Variants in PKHD1L1 observed in about 807,000 individuals in gnomAD.
PKHD1L1 encodes PKHD1 like 1.
A neutral mutation model predicts 462.9 loss-of-function variants in PKHD1L1; 434 were observed. The observed-to-expected ratio is 0.94, with a 90% CI of 0.87 to 1.02. The LOEUF is 1.02. PKHD1L1 is among the 50% of genes least tolerant of loss of function. The pLI is 0.00. For synonymous variants in PKHD1L1, 1,781 were observed against 1,750.0 expected (o/e 1.02, Z -0.44); for missense variants, 5,202 against 5,096.1 (o/e 1.02, Z -0.63).
intron 24 of PKHD1L1, among the ~76,000 whole-genome samples, chr8:109,426,687 G>A (rs994901357): frequency 1.2e-4 from 18 of 151,904 alleles, no homozygotes; most frequent in African/African-American, 3.6e-4. Flanking sequence ...ACGGAGTCTC[G>A]CTGTCACCAA....
intron 29 of PKHD1L1, 82 bp from the exon 30 acceptor site, chr8:109,436,256 A>G: frequency 7.0e-7 from 1 of 1,426,198 alleles, no homozygotes; most frequent in Non-Finnish European, 9.5e-7. Flanking sequence ...TCAAAAGACA[A>G]TTCTCAAAAA....
intron 32 of PKHD1L1, among the ~76,000 whole-genome samples, chr8:109,440,298 T>C (rs1471510904): frequency 1.3e-5 from 2 of 152,156 alleles, no homozygotes; most frequent in Non-Finnish European, 2.9e-5. Context: ...AAATTAATTA[T>C]ACAAAACTTT....
chr8:109,409,771 C>A (rs1251224316), intron 18 of PKHD1L1, 94 bp from the exon 19 acceptor site: 26 of 539,360 alleles, frequency 4.8e-5, no homozygotes, highest in Middle Eastern at 3.5e-4. Flanking sequence ...ATGAAAATGT[C>A]CTATTAAAAC....
In PKHD1L1 at chr8:109,522,798, GT is replaced by G; in HGVS notation, c.12239del (p.Val4080GlyfsTer5). The G allele has an allele frequency of 6.2e-7, 1 of 1,612,214 alleles. No individual in the cohort carries two copies. The highest frequency in any genetic ancestry group is 8.5e-7 in the Non-Finnish European group (1 of 1,179,418). ...ATTTCCTGTTCATCACGTGGCCTTCGTGTCCTCACTCTTAGTGATCACTCAG... is the reference window on the plus strand; with the variant it reads ...ATTTCCTGTTCATCACGTGGCCTTCGGTCCTCACTCTTAGTGATCACTCAG... ...SAFPVHHVAF[V>X]SSLLVITQPV... On this transcript the variant is annotated frameshift_variant, in exon 75 of 78. Transcript: ENST00000378402. LOFTEE classifies it high-confidence loss of function.
Position 109,406,458 on chromosome 8 carries a change from T to C in PKHD1L1, c.1793T>C (p.Val598Ala). Residue 598 changes from valine (V) to alanine (A), a missense_variant, in exon 17 of 78, where the codon GTA (valine) becomes GCA (alanine). Transcript: ENST00000378402. ...AATCCCCAGAGCTATGTCTACATGGTAACATTCATATCAACTAGAGGTAAG... is the reference window on the plus strand; with the variant it reads ...AATCCCCAGAGCTATGTCTACATGGCAACATTCATATCAACTAGAGGTAAG... The part of the protein sequence containing the change: ...TQNPQSYVYM[V>A]TFISTRGDFD... The C allele has an allele frequency of 6.2e-7, 1 of 1,602,388 alleles. No homozygotes were observed. Among genetic ancestry groups the C allele is most frequent in the Non-Finnish European group, 8.5e-7 (1 of 1,174,116 alleles).
At position 109,412,377 on chromosome 8, in the gene PKHD1L1, G is replaced by A. The variant is rs761842676; in HGVS notation, c.2198G>A (p.Arg733Gln). 5.6e-6 allele frequency: 9 copies of A among 1,613,074 alleles called. No individual in the cohort carries two copies. The highest frequency in any genetic ancestry group is 3.3e-5 in the Admixed American group (2 of 59,924). The change falls in exon 20 of 78, where the codon CGA (arginine) becomes CAA (glutamine). Residue 733 changes from arginine (R) to glutamine (Q), a missense_variant. Around this residue, in one of 3 missense-constraint regions of PKHD1L1, gnomAD observed 4,497 missense variants for 4,336.8 expected, o/e 1.04. Transcript: ENST00000378402. Reference sequence around the variant, plus strand: ...TCAGCAGATGTTAAACCAAACAGACGACCATATGGAGATATTTTATTGTTT... The same window carrying A: ...TCAGCAGATGTTAAACCAAACAGACAACCATATGGAGATATTTTATTGTTT... The part of the protein sequence containing the change: ...FDSADVKPNR[R>Q]PYGDILLFPY...
At chr8:109,379,693 T>C (rs771817408) in intron 2 of PKHD1L1, among the ~76,000 whole-genome samples, 2 of 152,204 alleles carry the variant, frequency 1.3e-5, no homozygotes, top group Non-Finnish European at 2.9e-5. Flanking sequence ...CTTTGCAACC[T>C]TACATTCTGC....
chr8:109,421,435 C>T (rs1814458785), intron 23 of PKHD1L1, among the ~76,000 whole-genome samples: 1 of 152,088 alleles, frequency 6.6e-6, no homozygotes, highest in African/African-American at 2.4e-5. Context: ...TAATATCTTC[C>T]AGATTAGCAT....
At chr8:109,470,950 G>A in intron 50 of PKHD1L1, 2 of 1,609,794 alleles carry the variant, frequency 1.2e-6, no homozygotes, top group Admixed American at 1.7e-5. Context: ...ACAACAGTGG[G>A]GAGTTCCTCT....
chr8:109,421,399 C>A (rs1159452776), intron 23 of PKHD1L1, among the ~76,000 whole-genome samples: 1 of 152,078 alleles, frequency 6.6e-6, no homozygotes, highest in African/African-American at 2.4e-5. Flanking sequence ...TTGCCTTTAT[C>A]CCATCCTGGC....
At chr8:109,449,025 A>G (rs1211821136) in intron 39 of PKHD1L1, among the ~76,000 whole-genome samples, 1 of 152,164 alleles carries the variant, frequency 6.6e-6, no homozygotes, top group African/African-American at 2.4e-5. Context: ...TCTACTTAAA[A>G]TAGTAATTGC....
In PKHD1L1 at chr8:109,445,505, A is replaced by T. The variant is rs1816084400; in HGVS notation, c.5636A>T (p.Glu1879Val). 1.2e-6 allele frequency: 2 copies of T among 1,613,774 alleles called. No individual in the cohort carries two copies. Among genetic ancestry groups the T allele is most frequent in the Non-Finnish European group, 1.7e-6 (2 of 1,179,814 alleles). Residue 1879 changes from glutamate (E) to valine (V), a missense_variant, in exon 38 of 78, where the codon GAA becomes GTA. Physicochemically the swap from Glu to Val is moderately radical, Grantham distance 121. This residue lies in a region of PKHD1L1 where 4,497 missense variants were observed against 4,336.8 expected (regional missense o/e 1.04). Coordinates refer to ENST00000378402, the MANE Select transcript of PKHD1L1 (RefSeq NM_177531.6). ...PCQIISINPN[E>V]VYCRTPAGTT... Reference sequence around the variant, plus strand: ...CAAATTATTTCCATCAACCCCAATGAAGTCTACTGCCGCACTCCCGCTGGG... The same window carrying T: ...CAAATTATTTCCATCAACCCCAATGTAGTCTACTGCCGCACTCCCGCTGGG...
At chr8:109,479,448 A>T in intron 53 of PKHD1L1, 103 bp from the exon 54 acceptor site, 3 of 780,200 alleles carry the variant, frequency 3.8e-6, no homozygotes, top group Admixed American at 5.1e-5. Context: ...TTTCTTCTCT[A>T]CCATGTAAAA....
chr8:109,484,250 A>G (rs1818416924), intron 57 of PKHD1L1, among the ~76,000 whole-genome samples: 1 of 151,830 alleles, frequency 6.6e-6, no homozygotes, highest in African/African-American at 2.4e-5. Flanking sequence ...AGTGATTTTG[A>G]TATCCCTATT....
At chr8:109,403,486 A>G (rs542291698) in intron 14 of PKHD1L1, among the ~76,000 whole-genome samples, 4 of 152,304 alleles carry the variant, frequency 2.6e-5, no homozygotes, top group African/African-American at 9.6e-5. Flanking sequence ...TAATGTCTGC[A>G]AAGTGCTTAG....
chr8:109,489,334 A>AAGCAATGGG (rs1350493469), intron 59 of PKHD1L1, among the ~76,000 whole-genome samples: 1 of 151,960 alleles, frequency 6.6e-6, no homozygotes, highest in Non-Finnish European at 1.5e-5. Context: ...TATGGGAATT[A>AAGCAATGGG]AACCCCATAT....
rs750944625 is a variant in PKHD1L1 at position 109,449,367 on chromosome 8, G to T, written c.6055G>T (p.Val2019Leu). The stretch of plus-strand genomic sequence containing the variant: ...CTTTGGTGGGGGTCAAACCATGACT[G>T]TGACAGGCACCGGATTTAATCCACA... ...GSFGGGQTMTVTGTGFNPQNS... is the reference protein window; with the variant it reads ...GSFGGGQTMTLTGTGFNPQNS... The change falls in exon 40 of 78, where the codon GTG becomes TTG. Residue 2019 changes from valine to leucine, a missense_variant. By Grantham distance (32) the Val-to-Leu change is conservative. Transcript: ENST00000378402. 3 of 1,579,756 alleles carry T rather than the reference G, an allele frequency of 1.9e-6. No individual in the cohort carries two copies. The highest frequency in any genetic ancestry group is 3.3e-4 in the Middle Eastern group (2 of 6,016).
Position 109,483,121 on chromosome 8 carries a change from A to G in PKHD1L1, c.9576+16A>G. 6.5e-7 allele frequency: 1 copy of G among 1,540,608 alleles called. No homozygotes were observed. Among genetic ancestry groups the G allele is most frequent in the Non-Finnish European group, 8.8e-7 (1 of 1,136,674 alleles). ...GGATTGGCAGGTAGACAAAATAATT[A>G]TGTAATGGAAAATGAATATACACAG... On this transcript the variant is annotated intron_variant, in intron 57 of 77. Transcript: ENST00000378402.
At chr8:109,425,018 T>C (rs1814662887) in intron 23 of PKHD1L1, 67 bp from the exon 24 acceptor site, 1 of 1,291,404 alleles carries the variant, frequency 7.7e-7, no homozygotes, top group Admixed American at 2.8e-5. Flanking sequence ...TGTACCATGA[T>C]GAAATAGAAA....
Sources: gnomAD v4.1 joint callset for allele counts (sites outside exome capture counted in the v4.1 genomes callset) on GRCh38, gnomAD v4.1.1 for gene constraint, gnomAD v4.1.1 regional missense constraint, MANE v1.5 for transcripts, NCBI Gene and HGNC (gene_info 2026-07-23, HGNC 2026-07-21) for gene names.